RALYL: variants seen among roughly 807,000 people sequenced by gnomAD.
RALYL encodes RALY RNA binding protein like, also known as RNA-binding Raly-like protein.
RALYL carries 29 observed loss-of-function variants against 35.1 expected under a neutral mutation model. That is an observed-to-expected ratio of 0.83 (90% CI 0.61 to 1.13). RALYL has a LOEUF of 1.13. Ranked by LOEUF, RALYL falls within the 50% of genes most tolerant of loss-of-function variation. The probability of loss-of-function intolerance (pLI) is 0.00; values close to 1 mark genes in which losing one functional copy is unlikely to be tolerated. For missense variants in RALYL, 359 were observed against 360.4 expected (o/e 1.00, Z 0.03); for synonymous variants, 120 against 127.6 (o/e 0.94, Z 0.40).
At chr8:84,792,895 G>T (rs1350905851) in intron 3 of RALYL, among the ~76,000 whole-genome samples, 1 of 152,200 alleles carries the variant, frequency 6.6e-6, no homozygotes. Flanking sequence ...TTGTATAAGA[G>T]CAAGTCACAA....
At chr8:84,330,304 GAAGGAGTGTTT>G (rs1846575477) in intron 1 of RALYL, among the ~76,000 whole-genome samples, 1 of 152,006 alleles carries the variant, frequency 6.6e-6, no homozygotes, top group African/African-American at 2.4e-5. Context: ...TAGTCTTTCT[GAAGGAGTGTTT>G]GACAATATAT....
At chr8:84,358,442 CT>C (rs1852299635) in intron 1 of RALYL, among the ~76,000 whole-genome samples, 1 of 151,790 alleles carries the variant, frequency 6.6e-6, no homozygotes, top group Non-Finnish European at 1.5e-5. Flanking sequence ...AAATGGCCTA[CT>C]AGGAATACAT....
intron 1 of RALYL, among the ~76,000 whole-genome samples, chr8:84,268,863 G>A (rs773483003): frequency 1.8e-4 from 28 of 152,154 alleles, no homozygotes; most frequent in Non-Finnish European, 4.1e-4. Context: ...CATAAGGCAA[G>A]GGAAGCATAT....
chr8:84,687,536 A>C (rs896041237), intron 2 of RALYL, among the ~76,000 whole-genome samples: 1 of 152,236 alleles, frequency 6.6e-6, no homozygotes, highest in South Asian at 2.1e-4. Context: ...CTGAAATCTA[A>C]GTTTTACAGT....
chr8:84,327,631 G>C (rs1177915764), intron 1 of RALYL, among the ~76,000 whole-genome samples: 1 of 151,928 alleles, frequency 6.6e-6, no homozygotes, highest in Non-Finnish European at 1.5e-5. Context: ...TTGTGACGGA[G>C]GTGGTATGAC....
chr8:84,388,001 C>T (rs193115226), intron 1 of RALYL, among the ~76,000 whole-genome samples: 25 of 152,130 alleles, frequency 1.6e-4, no homozygotes, highest in Middle Eastern at 3.4e-3. Context: ...CCCTACACCA[C>T]GCCACACCAG....
intron 2 of RALYL, among the ~76,000 whole-genome samples, chr8:84,714,098 T>C (rs1395378146): frequency 6.6e-6 from 1 of 151,690 alleles, no homozygotes; most frequent in African/African-American, 2.4e-5. Context: ...CTGTCACTTA[T>C]GGCAACATGG....
chr8:84,348,024 G>A (rs529324213), intron 1 of RALYL, among the ~76,000 whole-genome samples: 2 of 152,048 alleles, frequency 1.3e-5, no homozygotes, highest in Non-Finnish European at 2.9e-5. Context: ...GGCATGGTGG[G>A]ACAAGACATT....
At chr8:84,434,663 G>T (rs1410994097) in intron 1 of RALYL, among the ~76,000 whole-genome samples, 30 of 152,074 alleles carry the variant, frequency 2.0e-4, no homozygotes, top group Admixed American at 1.7e-3. Context: ...ATTACTGACA[G>T]TGTTGTTTTC....
intron 1 of RALYL, among the ~76,000 whole-genome samples, chr8:84,299,723 A>T (rs1840413107): frequency 6.6e-6 from 1 of 152,086 alleles, no homozygotes; most frequent in South Asian, 2.1e-4. Flanking sequence ...GGAATTATCC[A>T]TTTATTGTAG....
chr8:84,566,737 T>C (rs1292476852), intron 2 of RALYL, among the ~76,000 whole-genome samples: 1 of 151,692 alleles, frequency 6.6e-6, no homozygotes, highest in African/African-American at 2.4e-5. Context: ...TAATATACTA[T>C]TTTTAAGAAA....
At chr8:84,657,523 C>A (rs1830178020) in intron 2 of RALYL, among the ~76,000 whole-genome samples, 1 of 152,168 alleles carries the variant, frequency 6.6e-6, no homozygotes, top group African/African-American at 2.4e-5. Context: ...AGTAAAGGGG[C>A]TTTCTAGATA....
intron 2 of RALYL, among the ~76,000 whole-genome samples, chr8:84,701,603 AGTTAGG>A: frequency 6.6e-6 from 1 of 152,286 alleles, no homozygotes; most frequent in African/African-American, 2.4e-5. Flanking sequence ...GGAAATATCC[AGTTAGG>A]GTTTCATTTG....
At chr8:84,761,715 A>T (rs1812752851) in intron 2 of RALYL, among the ~76,000 whole-genome samples, 1 of 152,134 alleles carries the variant, frequency 6.6e-6, no homozygotes. Context: ...AACACTTATT[A>T]AGCTCCATCT....
At chr8:84,361,520 TCA>T (rs1853033971) in intron 1 of RALYL, among the ~76,000 whole-genome samples, 1 of 152,192 alleles carries the variant, frequency 6.6e-6, no homozygotes, top group Non-Finnish European at 1.5e-5. Flanking sequence ...GTGAATCTAG[TCA>T]CATATTATTT....
chr8:84,658,116 C>T (rs1830279746), intron 2 of RALYL, among the ~76,000 whole-genome samples: 1 of 152,116 alleles, frequency 6.6e-6, no homozygotes, highest in South Asian at 2.1e-4. Flanking sequence ...ACTGTATCCT[C>T]GAATTATGCT....
intron 1 of RALYL, among the ~76,000 whole-genome samples, chr8:84,314,960 G>C (rs1843464936): frequency 6.6e-6 from 1 of 152,184 alleles, no homozygotes; most frequent in African/African-American, 2.4e-5. Flanking sequence ...ACTCTTTGGT[G>C]CATAACTTTG....
intron 2 of RALYL, among the ~76,000 whole-genome samples, chr8:84,553,199 G>T (rs1195846697): frequency 6.6e-6 from 1 of 152,016 alleles, no homozygotes. Context: ...TTGCTCTGTT[G>T]CCCAGTCCCT....
At chr8:84,227,050 G>GTATT (rs1824068009) in intron 1 of RALYL, among the ~76,000 whole-genome samples, 1 of 81,298 alleles carries the variant, frequency 1.2e-5, no homozygotes, top group Non-Finnish European at 2.5e-5. Flanking sequence ...AGAAAAAATT[G>GTATT]TATTTCTTTT....
Sources: gnomAD v4.1 joint callset for allele counts (sites outside exome capture counted in the v4.1 genomes callset) on GRCh38, gnomAD v4.1.1 for gene constraint, MANE v1.5 for transcripts, NCBI Gene and HGNC (gene_info 2026-07-23, HGNC 2026-07-21) for gene names.